The following ORC4 variants were observed in gnomAD, a reference collection of about 807,000 sequenced individuals.
ORC4 encodes the protein origin recognition complex, subunit 4 homolog.
In ORC4, 55 loss-of-function variants were observed where a neutral mutation model predicts 63.9. The ratio of observed to expected loss-of-function variants is 0.86; its 90% CI spans 0.69 to 1.08. The LOEUF is 1.08. Ranked by LOEUF, ORC4 falls within the 50% of genes least tolerant of loss-of-function variation. The pLI is 0.00. For synonymous variants in ORC4, 150 were observed against 168.5 expected, an observed-to-expected ratio of 0.89 and a Z score of 0.85; for missense variants, 511 against 504.4, an observed-to-expected ratio of 1.01 and a Z score of -0.13.
intron 10 of ORC4, among the ~76,000 whole-genome samples, chr2:147,942,462 T>C (rs1350211154): frequency 2.6e-5 from 4 of 151,972 alleles, no homozygotes; most frequent in African/African-American, 9.7e-5. Context: ...ACTCAAAAAA[T>C]AACATAATCA....
At chr2:147,944,223 C>T (rs970367272) in intron 9 of ORC4, among the ~76,000 whole-genome samples, 1 of 151,900 alleles carries the variant, frequency 6.6e-6, no homozygotes, top group African/African-American at 2.4e-5. Context: ...AGATAAAAAT[C>T]AAACATGATC....
chr2:147,953,068 G>A (rs576389318), intron 7 of ORC4, among the ~76,000 whole-genome samples: 1 of 150,416 alleles, frequency 6.6e-6, no homozygotes, highest in Admixed American at 6.6e-5. Context: ...GGTGACTCAC[G>A]CTTGTAATCC....
chr2:147,965,153 A>G (rs1204288955), intron 4 of ORC4, among the ~76,000 whole-genome samples: 2 of 152,184 alleles, frequency 1.3e-5, no homozygotes, highest in African/African-American at 4.8e-5. Context: ...TACATAAAGG[A>G]GAAAGAGAAA....
chr2:147,935,958 C>T (rs1282286151), intron 13 of ORC4, among the ~76,000 whole-genome samples: 3 of 152,122 alleles, frequency 2.0e-5, no homozygotes, highest in Non-Finnish European at 4.4e-5. Context: ...TCAATATATA[C>T]AATATGGTTT....
intron 1 of ORC4, among the ~76,000 whole-genome samples, chr2:148,013,616 G>T (rs185149361): frequency 3.1e-4 from 47 of 152,140 alleles, no homozygotes; most frequent in Non-Finnish European, 6.5e-4. Context: ...AAATACTTGA[G>T]GTAATGGATA....
intron 8 of ORC4, among the ~76,000 whole-genome samples, chr2:147,949,447 T>C (rs1573767301): frequency 6.6e-6 from 1 of 152,036 alleles, no homozygotes; most frequent in Admixed American, 6.6e-5. Context: ...GGATTTGGGG[T>C]GATCACTAAA....
intron 1 of ORC4, among the ~76,000 whole-genome samples, chr2:148,000,954 A>T (rs1187725122): frequency 2.6e-5 from 4 of 152,114 alleles, no homozygotes; most frequent in African/African-American, 9.6e-5. Context: ...AAACTGAAAA[A>T]ACAGGAGGTA....
At position 147,931,012 on chromosome 2, in the gene ORC4, C is replaced by G. The variant is rs1304027118; in HGVS notation, c.*4498G>C. 1 of 146,340 alleles carries G rather than the reference C, an allele frequency of 6.8e-6. No homozygotes were observed. The highest frequency in any genetic ancestry group is 1.5e-5 in the Non-Finnish European group (1 of 66,016). 9.1% of individuals were successfully genotyped at this position (146,340 alleles called of 1,614,324 possible). A position where few individuals can be genotyped will look rare whatever the true frequency, so the allele number is the denominator to read the frequency against. ...CTAATGCTATCCCTCCCCCATCCCC[C>G]CACCCCACAACAGTCCCCAGAGTGT... On this transcript the variant is annotated 3_prime_UTR_variant, in exon 14 of 14. Transcript: ENST00000392857.
intron 1 of ORC4, among the ~76,000 whole-genome samples, chr2:147,978,485 GT>G (rs1690691459): frequency 2.0e-5 from 3 of 152,158 alleles, no homozygotes; most frequent in Admixed American, 2.0e-4. Flanking sequence ...GCAGGACCAA[GT>G]TCAGAAAGCT....
intron 4 of ORC4, among the ~76,000 whole-genome samples, chr2:147,972,487 G>T (rs777284468): frequency 6.6e-6 from 1 of 151,758 alleles, no homozygotes; most frequent in Non-Finnish European, 1.5e-5. Context: ...AACATCAATT[G>T]ACAATTTTTC....
chr2:147,954,314 T>G (rs767189640), intron 7 of ORC4, among the ~76,000 whole-genome samples: 2 of 152,122 alleles, frequency 1.3e-5, no homozygotes, highest in Non-Finnish European at 1.5e-5. Flanking sequence ...AGAGATACGT[T>G]CTGAGAAATG....
chr2:147,998,158 A>G (rs770621835), intron 1 of ORC4, among the ~76,000 whole-genome samples: 1 of 152,230 alleles, frequency 6.6e-6, no homozygotes, highest in Non-Finnish European at 1.5e-5. Context: ...TCTGTATTAG[A>G]TATTTTTGTA....
chr2:147,954,178 G>C (rs1558838981), intron 7 of ORC4, among the ~76,000 whole-genome samples: 1 of 151,954 alleles, frequency 6.6e-6, no homozygotes, highest in Admixed American at 6.6e-5. Context: ...CAGCAGAAAA[G>C]TCCAAACCAA....
rs1872199 is a variant in ORC4 at position 147,992,827 on chromosome 2, C to T, written c.-17-16852G>A. ...GCTAGCCACTGAAACTACCATCCCT[C>T]GTCCCCAAGGTAGTCCACAGAAACC... On this transcript the variant is annotated intron_variant, in intron 1 of 13. Transcript: ENST00000392857. Among the ~76,000 whole-genome samples the T allele has an allele frequency of 7.4e-3, 1,126 of 152,270 alleles. 14 individuals carry two copies. The highest frequency in any genetic ancestry group is 0.026 in the African/African-American group (1,066 of 41,560).
intron 1 of ORC4, among the ~76,000 whole-genome samples, chr2:147,982,406 C>T (rs2105372597): frequency 6.6e-6 from 1 of 152,194 alleles, no homozygotes; most frequent in Middle Eastern, 3.4e-3. Flanking sequence ...AGGGCTTTTG[C>T]AGTATGTTTT....
chr2:147,991,691 C>T (rs1399222835), intron 1 of ORC4, among the ~76,000 whole-genome samples: 2 of 151,850 alleles, frequency 1.3e-5, no homozygotes. Context: ...AGCCAGGTGT[C>T]GTGGTGCGTA....
chr2:147,935,177 T>C lies in ORC4; in HGVS notation c.*333A>G, dbSNP rs995205625. 2.6e-5 allele frequency: 7 copies of C among 268,482 alleles called. No homozygotes were observed. Among genetic ancestry groups the C allele is most frequent in the South Asian group, 1.5e-4 (3 of 20,642 alleles). The allele number at this position is 268,482 out of a possible 1,614,324, so 16.6% of individuals were successfully genotyped here. Reference sequence around the variant, plus strand: ...TTTTTTTACTCCTTTGGTTTAAGGTTTGTAAAGACATCTAGCTGTTAGGTT... The same window carrying C: ...TTTTTTTACTCCTTTGGTTTAAGGTCTGTAAAGACATCTAGCTGTTAGGTT... On this transcript the variant is annotated 3_prime_UTR_variant, in exon 14 of 14. Transcript: ENST00000392857.
intron 1 of ORC4, among the ~76,000 whole-genome samples, chr2:147,981,233 C>A (rs1690868055): frequency 6.6e-6 from 1 of 152,152 alleles, no homozygotes; most frequent in Non-Finnish European, 1.5e-5. Flanking sequence ...CCAACTCTCT[C>A]TATATACTAT....
rs1295823949 is a variant in ORC4 at position 147,931,682 on chromosome 2, A to G, written c.*3828T>C. 1 of 152,216 alleles carries G rather than the reference A, an allele frequency of 6.6e-6. No homozygotes were observed. The highest frequency in any genetic ancestry group is 2.4e-5 in the African/African-American group (1 of 41,456). 9.4% of individuals were successfully genotyped at this position (152,216 alleles called of 1,614,324 possible). On this transcript the variant is annotated 3_prime_UTR_variant, in exon 14 of 14. Transcript: ENST00000392857. ...CAAATCAATGAATGTAATCCAGCAT[A>G]TAAACAGAGCCAAAGACAAAAAACA...
Sources: allele counts gnomAD v4.1 joint callset (sites outside exome capture counted in the v4.1 genomes callset), GRCh38; gene constraint gnomAD v4.1.1; transcripts MANE v1.5; gene names NCBI Gene and HGNC (gene_info 2026-07-23, HGNC 2026-07-21).